Variants in NRCAM observed in about 807,000 individuals in gnomAD.
NRCAM encodes NgCAM-related cell adhesion molecule.
NRCAM carries 83 observed loss-of-function variants against 156.5 expected under a neutral mutation model. The observed-to-expected ratio is 0.53, with a 90% CI of 0.44 to 0.64. The LOEUF (loss-of-function observed/expected upper bound fraction) is 0.64. NRCAM is among the 30% of genes least tolerant of loss of function. NRCAM has a pLI of 0.00. For missense variants in NRCAM, 1,417 were observed against 1,597.3 expected (o/e 0.89, Z 1.92); for synonymous variants, 538 against 563.9 (o/e 0.95, Z 0.65).
intron 1 of NRCAM, 126 bp from the exon 2 acceptor site, chr7:108,399,719 T>C (rs1018478562): frequency 3.3e-5 from 5 of 152,346 alleles, no homozygotes; most frequent in Admixed American, 2.6e-4. Flanking sequence ...TCAAATTCCA[T>C]GATTAATTTT....
chr7:108,189,092 G>A (rs441534), intron 20 of NRCAM, among the ~76,000 whole-genome samples: 107,114 of 151,756 alleles, frequency 0.71, 39,034 homozygotes, highest in East Asian at 0.96. Context: ...CCCTAGGCTT[G>A]TGTCACCAAC....
intron 2 of NRCAM, among the ~76,000 whole-genome samples, chr7:108,342,520 A>G (rs1435221322): frequency 4.6e-5 from 7 of 152,268 alleles, no homozygotes; most frequent in Non-Finnish European, 8.8e-5. Context: ...CCATTTAGTA[A>G]GATGGACACC....
chr7:108,201,974 T>G (rs1235360768), intron 13 of NRCAM, among the ~76,000 whole-genome samples: 2 of 152,184 alleles, frequency 1.3e-5, no homozygotes, highest in Non-Finnish European at 2.9e-5. Context: ...GAGGCTCGGT[T>G]GGTAGCTGGA....
chr7:108,165,719 C>A (rs1374630799), intron 30 of NRCAM, among the ~76,000 whole-genome samples: 2 of 152,132 alleles, frequency 1.3e-5, no homozygotes, highest in Non-Finnish European at 2.9e-5. Flanking sequence ...TAGTTTAATA[C>A]ATTATTGTTG....
At chr7:108,330,945 A>G (rs1290976754) in intron 2 of NRCAM, among the ~76,000 whole-genome samples, 1 of 152,170 alleles carries the variant, frequency 6.6e-6, no homozygotes, top group Admixed American at 6.5e-5. Context: ...CCATTACAGG[A>G]ATGTGACTAA....
chr7:108,366,844 T>G (rs2099594655), intron 2 of NRCAM, among the ~76,000 whole-genome samples: 1 of 152,198 alleles, frequency 6.6e-6, no homozygotes, highest in South Asian at 2.1e-4. Flanking sequence ...TAATGATCAT[T>G]TGTCATCTTA....
At chr7:108,452,122 A>G (rs937807697) in intron 1 of NRCAM, among the ~76,000 whole-genome samples, 6 of 152,194 alleles carry the variant, frequency 3.9e-5, no homozygotes, top group African/African-American at 1.4e-4. Context: ...ATTTTAAGAG[A>G]AAAAATAAAA....
At chr7:108,452,402 A>G (rs1851429330) in intron 1 of NRCAM, among the ~76,000 whole-genome samples, 1 of 141,818 alleles carries the variant, frequency 7.1e-6, no homozygotes. Context: ...TATCTCATTA[A>G]TGCTGTGGGG....
Position 108,418,690 on chromosome 7 carries a change from T to A in NRCAM, c.-331-19097A>T, listed in dbSNP as rs73424106. On this transcript the variant is annotated intron_variant, in intron 1 of 32. Transcript: ENST00000379028. The stretch of plus-strand genomic sequence containing the variant: ...GTAAGCACTTAGAAAATACACACCA[T>A]CCTCATTTTCAAGTTATAATGAAGG... Among the ~76,000 whole-genome samples, 1,160 of 152,052 alleles carry A rather than the reference T, an allele frequency of 7.6e-3. 11 individuals are homozygous for A. The highest frequency in any genetic ancestry group is 0.027 in the African/African-American group (1,122 of 41,472).
chr7:108,226,471 GAACTTCATTTGAATAT>G, intron 8 of NRCAM, 93 bp from the exon 9 acceptor site: 1 of 768,016 alleles, frequency 1.3e-6, no homozygotes, highest in Non-Finnish European at 2.1e-6. Flanking sequence ...ATAGGTCTGT[GAACTTCATTTGAATAT>G]ATTTTTTCTC....
At chr7:108,285,026 G>A (rs774257726) in intron 3 of NRCAM, among the ~76,000 whole-genome samples, 1 of 152,244 alleles carries the variant, frequency 6.6e-6, no homozygotes, top group South Asian at 2.1e-4. Flanking sequence ...TGAGAGAGGA[G>A]AGGAATTAGA....
Position 108,238,132 on chromosome 7 carries a change from G to A in NRCAM, c.107-363C>T, listed in dbSNP as rs148315753. On this transcript the variant is annotated intron_variant, in intron 4 of 32. Coordinates refer to ENST00000379028, the MANE Select transcript of NRCAM (RefSeq NM_001037132.4). ...CAGCTGAAATCTACAATTAATTTGA[G>A]TTGTCACATACTGTGTAGTGTCTGG... 1.5e-3 allele frequency among the ~76,000 whole-genome samples: 228 copies of A among 152,274 alleles called. 2 individuals are homozygous for A. The highest frequency in any genetic ancestry group is 5.3e-3 in the African/African-American group (221 of 41,574).
At chr7:108,223,044 T>C (rs1035409023) in intron 11 of NRCAM, among the ~76,000 whole-genome samples, 1 of 152,080 alleles carries the variant, frequency 6.6e-6, no homozygotes, top group African/African-American at 2.4e-5. Flanking sequence ...CAATAGGAAG[T>C]AGGTGAAGGG....
chr7:108,297,739 TAAAAC>T (rs1412398010), intron 3 of NRCAM, among the ~76,000 whole-genome samples: 2 of 151,784 alleles, frequency 1.3e-5, no homozygotes, highest in African/African-American at 4.8e-5. Context: ...AGAAAAAAAA[TAAAAC>T]AAAGGAAGGG....
In NRCAM at chr7:108,176,584, G is replaced by A. The variant is rs149639654; in HGVS notation, c.2997C>T (p.Gly999=). The change falls in exon 27 of 33, where the codon GGC becomes GGT. Residue 999 remains glycine (G), a synonymous_variant. Transcript: ENST00000379028. ...CAGGAATTTTCAAATCTACCAGAGG[G>A]CCTAATTCATGTGTGCTGTTAACTG... ...YQPINSTHEL[G]PLVDLKIPAN... 2.7e-4 allele frequency: 435 copies of A among 1,613,234 alleles called. 1 individual carries two copies. In the African/African-American group the frequency reaches 5.3e-3, roughly 20 times the overall value.
intron 11 of NRCAM, among the ~76,000 whole-genome samples, chr7:108,216,251 C>G (rs527905264): frequency 6.6e-6 from 1 of 152,334 alleles, no homozygotes; most frequent in African/African-American, 2.4e-5. Flanking sequence ...CCACTTTCTT[C>G]TGGCTTGTAG....
chr7:108,358,969 T>C (rs945158601), intron 2 of NRCAM, among the ~76,000 whole-genome samples: 1 of 152,212 alleles, frequency 6.6e-6, no homozygotes, highest in East Asian at 1.9e-4. Context: ...TGCATAGATA[T>C]GTCTATAAGC....
At chr7:108,373,693 A>G (rs2099643551) in intron 2 of NRCAM, among the ~76,000 whole-genome samples, 1 of 152,184 alleles carries the variant, frequency 6.6e-6, no homozygotes, top group Non-Finnish European at 1.5e-5. Flanking sequence ...ATTGCCCCAG[A>G]TAATAACATG....
At chr7:108,180,734 A>T (rs926497861) in intron 24 of NRCAM, among the ~76,000 whole-genome samples, 1 of 152,264 alleles carries the variant, frequency 6.6e-6, no homozygotes, top group African/African-American at 2.4e-5. Context: ...ATGGAGGACA[A>T]TAGGATTTAA....
Sources: gnomAD v4.1 joint callset for allele counts (sites outside exome capture counted in the v4.1 genomes callset) on GRCh38, gnomAD v4.1.1 for gene constraint, MANE v1.5 for transcripts, NCBI Gene and HGNC (gene_info 2026-07-23, HGNC 2026-07-21) for gene names.